Variants in PSPH observed in about 807,000 individuals in gnomAD.
PSPH encodes L-3-phosphoserine phosphatase.
PSPH carries 16 observed loss-of-function variants against 23.4 expected under a neutral mutation model. The observed-to-expected ratio is 0.68, with a 90% CI of 0.46 to 1.04. PSPH has a LOEUF of 1.04. Among genes scored for constraint, PSPH ranks in the 50% least tolerant of loss-of-function variants. PSPH has a pLI of 0.00. For synonymous variants in PSPH, 68 were observed against 99.7 expected (o/e 0.68, Z 1.89); for missense variants, 223 against 273.7 (o/e 0.81, Z 1.31).
chr7:56,026,700 A>T (rs1283962664), intron 3 of PSPH, among the ~76,000 whole-genome samples: 1 of 152,010 alleles, frequency 6.6e-6, no homozygotes. Flanking sequence ...AGCAGAAATC[A>T]AGCTAATTCA....
intron 5 of PSPH, 45 bp downstream of exon 5, chr7:56,019,555 C>A (rs201525819): frequency 6.2e-7 from 1 of 1,612,208 alleles, no homozygotes; most frequent in Non-Finnish European, 8.5e-7. Context: ...GATGTGCCCC[C>A]CAACACTGGT....
Position 56,021,074 on chromosome 7 carries a change from T to C in PSPH, c.139A>G (p.Met47Val), listed in dbSNP as rs752530980. 1 of 1,614,244 alleles carries C rather than the reference T, an allele frequency of 6.2e-7. No individual in the cohort carries two copies. Among genetic ancestry groups the C allele is most frequent in the Admixed American group, 1.7e-5 (1 of 60,008 alleles). ...AAAGTGAATAAATGCTATCCCTACATTTCTGACACCGCGTCCTCAACGCCA... is the reference window on the plus strand; with the variant it reads ...AAAGTGAATAAATGCTATCCCTACACTTCTGACACCGCGTCCTCAACGCCA... ...ICGVEDAVSE[M>V]TRRAMGGAVP... Residue 47 changes from methionine (M) to valine (V), a missense_variant and splice_region_variant, in exon 4 of 8, where the codon ATG (methionine) becomes GTG (valine). By Grantham distance (21) the Met-to-Val change is conservative (BLOSUM62 1). Coordinates refer to ENST00000275605, the MANE Select transcript of PSPH (RefSeq NM_004577.4).
intron 1 of PSPH, among the ~76,000 whole-genome samples, chr7:56,049,515 T>C (rs111608929): frequency 2.0e-5 from 3 of 152,008 alleles, no homozygotes; most frequent in African/African-American, 7.2e-5. Flanking sequence ...CTCCGCTCAC[T>C]GCAATCTCCA....
Position 56,015,019 on chromosome 7 carries a change from A to G in PSPH, c.570+4T>C. ...GAAAAAAAATTAGCACCCTTAATAC[A>G]TACAGCAGGAGGACAGGCTTCCATA... On this transcript the variant is annotated splice_donor_region_variant and intron_variant, in intron 7 of 7. Coordinates refer to ENST00000275605, the MANE Select transcript of PSPH (RefSeq NM_004577.4). 6 of 1,613,806 alleles carry G rather than the reference A, an allele frequency of 3.7e-6. No homozygotes were observed. The highest frequency in any genetic ancestry group is 5.1e-6 in the Non-Finnish European group (6 of 1,179,836).
At chr7:56,035,045 T>G (rs542421250) in intron 1 of PSPH, among the ~76,000 whole-genome samples, 1 of 152,062 alleles carries the variant, frequency 6.6e-6, no homozygotes, top group Non-Finnish European at 1.5e-5. Flanking sequence ...CCTATTTCTT[T>G]TTAAAAATTT....
At chr7:56,026,753 A>G (rs528179045) in intron 3 of PSPH, among the ~76,000 whole-genome samples, 49 of 152,336 alleles carry the variant, frequency 3.2e-4, no homozygotes, top group Non-Finnish European at 5.6e-4. Context: ...CCTTGAAGTC[A>G]GCAGGTCTAT....
intron 2 of PSPH, chr7:56,033,381 C>T (rs1447948921): frequency 4.0e-5 from 6 of 150,858 alleles, no homozygotes; most frequent in Non-Finnish European, 8.9e-5. Context: ...TGGTGGGTAC[C>T]CAGATACTCA....
chr7:56,045,326 T>G (rs1793082528), intron 1 of PSPH, among the ~76,000 whole-genome samples: 1 of 151,798 alleles, frequency 6.6e-6, no homozygotes. Context: ...GCAACATAGC[T>G]TTTCAGAGAA....
intron 2 of PSPH, chr7:56,033,091 C>T (rs546620332): frequency 5.9e-5 from 9 of 152,210 alleles, no homozygotes; most frequent in South Asian, 2.1e-4. Context: ...AAAACCTACC[C>T]GGCACGGTAA....
At chr7:56,037,678 T>C (rs147198160) in intron 1 of PSPH, among the ~76,000 whole-genome samples, 4 of 152,030 alleles carry the variant, frequency 2.6e-5, no homozygotes, top group Middle Eastern at 3.4e-3. Context: ...AAAGGTTTTC[T>C]ATAGATCACA....
chr7:56,046,018 G>C (rs1793192034), intron 1 of PSPH, among the ~76,000 whole-genome samples: 1 of 152,128 alleles, frequency 6.6e-6, no homozygotes, highest in Non-Finnish European at 1.5e-5. Flanking sequence ...AACTTCCATG[G>C]GGTAACACAA....
intron 5 of PSPH, 39 bp downstream of exon 5, chr7:56,019,561 C>G: frequency 6.2e-7 from 1 of 1,612,566 alleles, no homozygotes; most frequent in Middle Eastern, 1.9e-4. Context: ...CCCCCCAACA[C>G]TGGTGCTGAA....
At chr7:56,014,086 A>C (rs1486313758) in intron 7 of PSPH, among the ~76,000 whole-genome samples, 1 of 152,174 alleles carries the variant, frequency 6.6e-6, no homozygotes, top group Non-Finnish European at 1.5e-5. Flanking sequence ...CTGAGAGCAC[A>C]CCACTGCACT....
At position 56,031,778 on chromosome 7, in the gene PSPH, C is replaced by A. The variant is rs550923842; in HGVS notation, c.-20+151G>T. On this transcript the variant is annotated intron_variant, in intron 3 of 7. Transcript: ENST00000275605. ...GCAGTAAGCCAAGATTGCGCCACTG[C>A]ACTCCAGCCTAGGCGACAAAGCAAG... Among the ~76,000 whole-genome samples the A allele has an allele frequency of 2.0e-5, 3 of 152,294 alleles. No individual in the cohort carries two copies. The South Asian group carries it at 6.2e-4, about 32-fold the overall frequency.
At chr7:56,049,641 T>A (rs1412626420) in intron 1 of PSPH, among the ~76,000 whole-genome samples, 1 of 152,110 alleles carries the variant, frequency 6.6e-6, no homozygotes, top group Non-Finnish European at 1.5e-5. Context: ...TTTCACTATG[T>A]TGGCCAGGCT....
At chr7:56,021,016 C>G (rs1789309643) in intron 4 of PSPH, 57 bp downstream of exon 4, 2 of 1,446,138 alleles carry the variant, frequency 1.4e-6, no homozygotes, top group South Asian at 2.6e-5. Context: ...TCATCCAAAA[C>G]AGTCACTCTT....
intron 4 of PSPH, among the ~76,000 whole-genome samples, chr7:56,020,826 C>G (rs1300664837): frequency 1.3e-5 from 2 of 152,140 alleles, no homozygotes; most frequent in Non-Finnish European, 2.9e-5. Flanking sequence ...TTGGACCTCG[C>G]CCCCCAGGCC....
chr7:56,045,040 C>T (rs966551136), intron 1 of PSPH, among the ~76,000 whole-genome samples: 29 of 146,176 alleles, frequency 2.0e-4, no homozygotes, highest in African/African-American at 7.4e-4. Context: ...CCATTGCACT[C>T]CAGCCTGGGC....
At chr7:56,018,900 G>T (rs991558426) in intron 5 of PSPH, among the ~76,000 whole-genome samples, 1 of 151,910 alleles carries the variant, frequency 6.6e-6, no homozygotes, top group African/African-American at 2.4e-5. Context: ...AGCCCAGAAG[G>T]CTGATGCTGC....
Sources: gnomAD v4.1 joint callset for allele counts (sites outside exome capture counted in the v4.1 genomes callset) on GRCh38, gnomAD v4.1.1 for gene constraint, MANE v1.5 for transcripts, NCBI Gene and HGNC (gene_info 2026-07-23, HGNC 2026-07-21) for gene names.